Variants in SYT16 observed in about 807,000 individuals in gnomAD.
SYT16 encodes the protein synaptotagmin-16.
SYT16 carries 42 observed loss-of-function variants against 61.4 expected under a neutral mutation model. The observed-to-expected ratio is 0.68, with a 90% CI of 0.53 to 0.89. SYT16 has a LOEUF of 0.89. Among genes scored for constraint, SYT16 ranks in the 40% least tolerant of loss-of-function variants. SYT16 has a pLI of 0.00. For missense variants in SYT16, 804 were observed against 807.3 expected (o/e 1.00, Z 0.05); for synonymous variants, 314 against 302.3 (o/e 1.04, Z -0.40).
chr14:61,876,661 G>A (rs967499714), intron 1 of SYT16, among the ~76,000 whole-genome samples: 10 of 152,184 alleles, frequency 6.6e-5, no homozygotes, highest in African/African-American at 1.7e-4. Context: ...GACAGATGGC[G>A]TTCTAGATTA....
intron 1 of SYT16, among the ~76,000 whole-genome samples, chr14:61,893,641 G>A (rs1351769108): frequency 6.6e-6 from 1 of 152,192 alleles, no homozygotes; most frequent in African/African-American, 2.4e-5. Flanking sequence ...ACTCAGTGAA[G>A]CTCAGCAAAT....
At chr14:61,977,554 T>C (rs1264235554) in intron 2 of SYT16, among the ~76,000 whole-genome samples, 2 of 152,138 alleles carry the variant, frequency 1.3e-5, no homozygotes, top group Non-Finnish European at 2.9e-5. Context: ...CTCACTATCA[T>C]GAGAACAGCA....
chr14:61,986,227 A>G (rs2052304000), intron 2 of SYT16, among the ~76,000 whole-genome samples: 1 of 152,036 alleles, frequency 6.6e-6, no homozygotes. Flanking sequence ...AAGTTGTTTA[A>G]CCAGCTAAAC....
At chr14:62,022,617 TACACACACAC>T (rs34287414) in intron 3 of SYT16, among the ~76,000 whole-genome samples, 59 of 149,848 alleles carry the variant, frequency 3.9e-4, no homozygotes, top group African/African-American at 1.3e-3. Flanking sequence ...TAATTTGTAT[TACACACACAC>T]ACACACACAC....
At chr14:61,906,783 G>GTCAATCCATCCA (rs1555355256) in intron 1 of SYT16, among the ~76,000 whole-genome samples, 1 of 57,674 alleles carries the variant, frequency 1.7e-5, no homozygotes, top group African/African-American at 1.0e-4. Flanking sequence ...CCATCCGTCC[G>GTCAATCCATCCA]TCCGTCCATC....
intron 4 of SYT16, among the ~76,000 whole-genome samples, chr14:62,074,667 T>C (rs1305743945): frequency 1.3e-5 from 2 of 152,184 alleles, no homozygotes; most frequent in Non-Finnish European, 2.9e-5. Context: ...TCCAAGACCA[T>C]GGATCAAGGA....
chr14:62,002,058 T>C (rs1364320132), intron 3 of SYT16, among the ~76,000 whole-genome samples: 1 of 152,108 alleles, frequency 6.6e-6, no homozygotes, highest in South Asian at 2.1e-4. Flanking sequence ...CTGAGTCATA[T>C]TTGAGTTTGG....
At chr14:61,907,509 A>G (rs972923963) in intron 1 of SYT16, among the ~76,000 whole-genome samples, 3 of 152,200 alleles carry the variant, frequency 2.0e-5, no homozygotes, top group African/African-American at 7.2e-5. Flanking sequence ...GGCTGCAGTT[A>G]GACCTTCCAT....
chr14:61,892,688 G>A (rs563150724), intron 1 of SYT16, among the ~76,000 whole-genome samples: 2 of 152,178 alleles, frequency 1.3e-5, no homozygotes, highest in African/African-American at 2.4e-5. Context: ...AGAACCGATG[G>A]GGGGTGGTGA....
In SYT16 at chr14:62,100,717, C is replaced by A. The variant is rs1196064149; in HGVS notation, c.*10C>A. 6.2e-7 allele frequency: 1 copy of A among 1,608,586 alleles called. No homozygotes were observed. Among genetic ancestry groups the A allele is most frequent in the Admixed American group, 1.7e-5 (1 of 59,720 alleles). On this transcript the variant is annotated 3_prime_UTR_variant, in exon 8 of 8. Coordinates refer to ENST00000683842, the MANE Select transcript of SYT16 (RefSeq NM_001367656.1). ...TTTGCTGGAATCCTAGGTTTGCTAA[C>A]CTGCATTTGTGTGCTGTGTCCACCT...
chr14:61,945,855 C>CAA lies in SYT16; in HGVS notation c.-324-24247_-324-24246dup, dbSNP rs60917584. On this transcript the variant is annotated intron_variant, in intron 1 of 7. Transcript: ENST00000683842. ...TGGGCGACAGAGCGAGACTCCGTCT[C>CAA]AAAAAAAAAAAAAAAAAAAAAAAAA... 1.8e-3 allele frequency among the ~76,000 whole-genome samples: 119 copies of CAA among 64,504 alleles called. 2 individuals are homozygous for CAA. The highest frequency in any genetic ancestry group is 3.1e-3 in the East Asian group (4 of 1,300). The allele number at this position is 64,504 out of a possible 152,430, so 42.3% of individuals were successfully genotyped here.
intron 1 of SYT16, among the ~76,000 whole-genome samples, chr14:61,847,258 T>C (rs2046472161): frequency 6.6e-6 from 1 of 152,228 alleles, no homozygotes; most frequent in Non-Finnish European, 1.5e-5. Context: ...ATCTTTCAGC[T>C]TTCGTTTGTC....
intron 2 of SYT16, among the ~76,000 whole-genome samples, chr14:61,982,546 C>G (rs906493596): frequency 9.2e-5 from 14 of 152,254 alleles, no homozygotes; most frequent in Non-Finnish European, 2.1e-4. Context: ...ATTCAATTAT[C>G]TCCCACCAGG....
intron 7 of SYT16, among the ~76,000 whole-genome samples, chr14:62,096,875 C>T (rs947605732): frequency 6.6e-6 from 1 of 152,156 alleles, no homozygotes; most frequent in African/African-American, 2.4e-5. Context: ...AATATCCTGT[C>T]AGTTTGTGTG....
At chr14:61,985,829 A>G (rs2052282573) in intron 2 of SYT16, among the ~76,000 whole-genome samples, 1 of 152,168 alleles carries the variant, frequency 6.6e-6, no homozygotes, top group African/African-American at 2.4e-5. Context: ...TGTGCTAGAT[A>G]TGGCTGCTAG....
intron 1 of SYT16, among the ~76,000 whole-genome samples, chr14:61,896,537 G>A (rs568177315): frequency 6.6e-6 from 1 of 152,230 alleles, no homozygotes; most frequent in South Asian, 2.1e-4. Context: ...AAAATCCTTG[G>A]GTATGGCCAG....
chr14:61,993,461 A>G (rs2052641600), intron 2 of SYT16, among the ~76,000 whole-genome samples: 2 of 152,024 alleles, frequency 1.3e-5, no homozygotes, highest in Non-Finnish European at 2.9e-5. Context: ...ACAACAAAAA[A>G]CTCAAAGTTT....
chr14:62,001,375 G>C (rs976558303), intron 3 of SYT16, among the ~76,000 whole-genome samples: 1 of 151,922 alleles, frequency 6.6e-6, no homozygotes, highest in Non-Finnish European at 1.5e-5. Flanking sequence ...ATAGAATGTT[G>C]GTTGACAGTC....
rs2057605324 is a variant in SYT16 at position 62,111,357 on chromosome 14, GGGAA to G, written c.*10651_*10654del. 1.3e-5 allele frequency: 2 copies of G among 152,046 alleles called. No individual in the cohort carries two copies. Among genetic ancestry groups the G allele is most frequent in the African/African-American group, 4.8e-5 (2 of 41,428 alleles). The allele number at this position is 152,046 out of a possible 1,614,324, so 9.4% of individuals were successfully genotyped here. A position where few individuals can be genotyped will look rare whatever the true frequency, so the allele number is the denominator to read the frequency against. On this transcript the variant is annotated 3_prime_UTR_variant, in exon 8 of 8. Transcript: ENST00000683842. The stretch of plus-strand genomic sequence containing the variant: ...TACATGGAGTACACTGTTCTTAGCA[GGGAA>G]TGTGCTTTATATTACTATTCTACTC...
Sources: gnomAD v4.1 joint callset for allele counts (sites outside exome capture counted in the v4.1 genomes callset) on GRCh38, gnomAD v4.1.1 for gene constraint, MANE v1.5 for transcripts, NCBI Gene and HGNC (gene_info 2026-07-23, HGNC 2026-07-21) for gene names.